The following FLOT1 variants were observed in gnomAD, a reference collection of about 807,000 sequenced individuals.
FLOT1 encodes flotillin-1.
FLOT1 carries 40 observed loss-of-function variants against 58.4 expected under a neutral mutation model. The observed-to-expected ratio is 0.69, with a 90% CI of 0.53 to 0.89. The LOEUF (loss-of-function observed/expected upper bound fraction) is 0.89, where lower values mean the gene tolerates loss of function less well. FLOT1 is among the 40% of genes least tolerant of loss of function. FLOT1 has a pLI of 0.00. For synonymous variants in FLOT1, 178 were observed against 204.2 expected (o/e 0.87, Z 1.09); for missense variants, 423 against 540.8 (o/e 0.78, Z 2.16).
rs530314265 is a variant in FLOT1, at chr6:30,730,467, C to A, written c.1050G>T (p.Glu350Asp). 110 of 1,602,510 alleles carry A rather than the reference C, an allele frequency of 6.9e-5. 3 individuals are homozygous for A. The South Asian group carries it at 1.1e-3, about 16-fold the overall frequency. The change falls in exon 11 of 13, where the codon GAG (glutamate) becomes GAT (aspartate). Residue 350 changes from glutamate to aspartate, a missense_variant. Physicochemically the swap from Glu to Asp is conservative, Grantham distance 45. Around this residue, in one of 6 missense-constraint regions of FLOT1, gnomAD observed 42 missense variants for 74.4 expected, o/e 0.56. Transcript: ENST00000376389. ...KKAEAFQLYQ[E>D]AAQLDMLLEK... ...CTAGCAGCATGTCCAGCTGAGCAGC[C>A]TCTTGGTACAGCTGGAAGGCTTCTG...
chr6:30,736,536 GA>G (rs1777578689), intron 8 of FLOT1: 1 of 148,732 alleles, frequency 6.7e-6, no homozygotes, highest in African/African-American at 2.5e-5. Context: ...GGTTTTAGGA[GA>G]GAGTAAAATT....
chr6:30,740,119 T>C, intron 8 of FLOT1, 39 bp downstream of exon 8: 1 of 1,603,828 alleles, frequency 6.2e-7, no homozygotes, highest in Non-Finnish European at 8.5e-7. Context: ...CTGAGAGGAA[T>C]GGGGAAGGGG....
intron 12 of FLOT1, 29 bp from the exon 13 acceptor site, chr6:30,728,174 T>G (rs752556413): frequency 1.9e-6 from 3 of 1,611,224 alleles, no homozygotes; most frequent in Non-Finnish European, 1.7e-6. Context: ...TAGATGACAC[T>G]TGGGAACATT....
intron 8 of FLOT1, among the ~76,000 whole-genome samples, chr6:30,738,762 G>A (rs998965277): frequency 6.6e-6 from 1 of 152,148 alleles, no homozygotes; most frequent in African/African-American, 2.4e-5. Flanking sequence ...AAGGACACTA[G>A]ACAGCACTAC....
chr6:30,738,543 C>T (rs78018970), intron 8 of FLOT1, among the ~76,000 whole-genome samples: 11,355 of 152,098 alleles, frequency 0.075, 691 homozygotes, highest in African/African-American at 0.16. Context: ...GCTAGGTTCC[C>T]GTGAGCCTCT....
At position 30,741,387 on chromosome 6, in the gene FLOT1, GA is replaced by G; in HGVS notation, c.211-55del. 6.2e-7 allele frequency: 1 copy of G among 1,602,134 alleles called. No individual in the cohort carries two copies. The highest frequency in any genetic ancestry group is 8.5e-7 in the Non-Finnish European group (1 of 1,171,582). ...GTGGTGGGGGTCTCATGAAGTCAGA[GA>G]AAAAGCAGAGAGAGAAGGGAGAGCC... On this transcript the variant is annotated intron_variant, in intron 4 of 12. Coordinates refer to ENST00000376389, the MANE Select transcript of FLOT1 (RefSeq NM_005803.4). This position sits in a 1 kb window ranked among gnomAD's most constrained non-coding sequence, Gnocchi z 5.9.
intron 8 of FLOT1, among the ~76,000 whole-genome samples, chr6:30,739,175 TA>T (rs1777784457): frequency 6.6e-6 from 1 of 152,192 alleles, no homozygotes; most frequent in African/African-American, 2.4e-5. Flanking sequence ...CGCTAGCCCA[TA>T]GCATGCCTCT....
rs1376331243 is a variant in FLOT1 at position 30,730,464 on chromosome 6, A to G, written c.1053T>C (p.Ala351=). ...KAEAFQLYQE[A]AQLDMLLEKL... ...TCTCTAGCAGCATGTCCAGCTGAGC[A>G]GCCTCTTGGTACAGCTGGAAGGCTT... Residue 351 remains alanine, a synonymous_variant, in exon 11 of 13, where the codon GCT becomes GCC. Coordinates refer to ENST00000376389, the MANE Select transcript of FLOT1 (RefSeq NM_005803.4). The G allele has an allele frequency of 6.3e-7, 1 of 1,597,260 alleles. No homozygotes were observed.
intron 12 of FLOT1, among the ~76,000 whole-genome samples, chr6:30,729,057 C>A (rs1016694218): frequency 1.3e-5 from 2 of 151,246 alleles, no homozygotes; most frequent in African/African-American, 4.9e-5. Flanking sequence ...GGATTACAGG[C>A]ATGAGCTACC....
In FLOT1 at chr6:30,742,066, G is replaced by T; in HGVS notation, c.43+81C>A. 1 of 1,447,866 alleles carries T rather than the reference G, an allele frequency of 6.9e-7. No individual in the cohort carries two copies. The highest frequency in any genetic ancestry group is 9.7e-7 in the Non-Finnish European group (1 of 1,034,512). 89.7% of individuals were successfully genotyped at this position (1,447,866 alleles called of 1,614,324 possible). On this transcript the variant is annotated intron_variant, in intron 2 of 12. Coordinates refer to ENST00000376389, the MANE Select transcript of FLOT1 (RefSeq NM_005803.4). The surrounding 1 kb of genome is among the most constrained non-coding windows in gnomAD (Gnocchi z 5.2). ...GCAGAAGTCTGGTGCTGGGAAGTTGGTAGGGAGAGGGAGAAGGGGCAGAGG... is the reference window on the plus strand; with the variant it reads ...GCAGAAGTCTGGTGCTGGGAAGTTGTTAGGGAGAGGGAGAAGGGGCAGAGG...
intron 8 of FLOT1, among the ~76,000 whole-genome samples, chr6:30,735,946 T>C: frequency 6.9e-6 from 1 of 145,686 alleles, no homozygotes; most frequent in South Asian, 2.2e-4. Context: ...TTTCTCCATC[T>C]TTTTTTTTTT....
chr6:30,738,833 C>T (rs1777761805), intron 8 of FLOT1, among the ~76,000 whole-genome samples: 1 of 151,922 alleles, frequency 6.6e-6, no homozygotes, highest in African/African-American at 2.4e-5. Flanking sequence ...CACAAAAATG[C>T]AAAAAACACG....
intron 8 of FLOT1, among the ~76,000 whole-genome samples, chr6:30,734,790 G>T (rs1310608049): frequency 1.3e-5 from 2 of 149,980 alleles, no homozygotes; most frequent in South Asian, 2.1e-4. Flanking sequence ...CACGATCTCA[G>T]CTCACTGCAA....
intron 8 of FLOT1, among the ~76,000 whole-genome samples, chr6:30,732,944 C>T (rs1348829122): frequency 6.6e-6 from 1 of 152,180 alleles, no homozygotes; most frequent in Admixed American, 6.5e-5. Context: ...CCTGTCTATG[C>T]CCACCTTTTG....
intron 8 of FLOT1, among the ~76,000 whole-genome samples, chr6:30,739,367 C>CTTTTTTT (rs780604483): frequency 6.8e-6 from 1 of 146,896 alleles, no homozygotes; most frequent in Non-Finnish European, 1.5e-5. Context: ...TTGGCCTTCT[C>CTTTTTTT]TTTTTTTTTT....
Position 30,741,890 on chromosome 6 carries a change from G to A in FLOT1, c.44-23C>T. On this transcript the variant is annotated intron_variant, in intron 2 of 12. Coordinates refer to ENST00000376389, the MANE Select transcript of FLOT1 (RefSeq NM_005803.4). The surrounding 1 kb of genome is among the most constrained non-coding windows in gnomAD (Gnocchi z 5.9). ...ACCCTGCAAGGTGTGGGGCAGTGAGGAACGGTGGCAGAGCTTGAATGTGGA... is the reference window on the plus strand; with the variant it reads ...ACCCTGCAAGGTGTGGGGCAGTGAGAAACGGTGGCAGAGCTTGAATGTGGA... The A allele has an allele frequency of 6.2e-7, 1 of 1,607,444 alleles. No homozygotes were observed. The highest frequency in any genetic ancestry group is 8.5e-7 in the Non-Finnish European group (1 of 1,176,142).
chr6:30,742,104 G>T lies in FLOT1; in HGVS notation c.43+43C>A. On this transcript the variant is annotated intron_variant, in intron 2 of 12. Coordinates refer to ENST00000376389, the MANE Select transcript of FLOT1 (RefSeq NM_005803.4). The surrounding 1 kb of genome is among the most constrained non-coding windows in gnomAD (Gnocchi z 5.2). ...GAAGGGGCAGAGGCCAGACTCACAG[G>T]GGTTCTGGGGTCACTGGCTGGGAAG... 6.3e-7 allele frequency: 1 copy of T among 1,594,228 alleles called. No individual in the cohort carries two copies. The highest frequency in any genetic ancestry group is 8.6e-7 in the Non-Finnish European group (1 of 1,163,776).
chr6:30,729,539 C>G (rs1776998808), intron 12 of FLOT1, among the ~76,000 whole-genome samples: 1 of 152,142 alleles, frequency 6.6e-6, no homozygotes, highest in African/African-American at 2.4e-5. Context: ...ATTACTTGTC[C>G]AAGATTACAG....
chr6:30,731,546 G>GGC (rs1777203103), intron 8 of FLOT1, among the ~76,000 whole-genome samples: 1 of 150,080 alleles, frequency 6.7e-6, no homozygotes, highest in Non-Finnish European at 1.5e-5. Flanking sequence ...CTGTCTGCTT[G>GGC]GCCAGTCCAG....
Sources: allele counts gnomAD v4.1 joint callset (sites outside exome capture counted in the v4.1 genomes callset), GRCh38; gene constraint gnomAD v4.1.1; regional missense constraint gnomAD v4.1.1; non-coding constraint Gnocchi (gnomAD v3.1); transcripts MANE v1.5; gene names NCBI Gene and HGNC (gene_info 2026-07-23, HGNC 2026-07-21).